The following LDB2 variants were observed in gnomAD, a reference collection of about 807,000 sequenced individuals.
LDB2 encodes the protein LIM domain binding 2.
A neutral mutation model predicts 44.3 loss-of-function variants in LDB2; 12 were observed. The observed-to-expected ratio is 0.27, with a 90% CI of 0.17 to 0.44. The LOEUF is 0.44. Ranked by LOEUF, LDB2 falls within the 20% of genes least tolerant of loss-of-function variation. The probability of loss-of-function intolerance (pLI) is 1.00; values close to 1 mark genes in which losing one functional copy is unlikely to be tolerated. For missense variants in LDB2, 344 were observed against 473.5 expected (o/e 0.73, Z 2.54); for synonymous variants, 164 against 174.8 (o/e 0.94, Z 0.49).
chr4:16,506,051 C>A, intron 7 of LDB2: 1 of 1,501,540 alleles, frequency 6.7e-7, no homozygotes, highest in Non-Finnish European at 9.0e-7. Context: ...CACATCGCTG[C>A]CGCAGCAGCT....
intron 2 of LDB2, among the ~76,000 whole-genome samples, chr4:16,739,602 A>ATATATATATGTATATATACATGTGTGTG (rs1762589875): frequency 2.3e-5 from 2 of 86,750 alleles, no homozygotes; most frequent in Non-Finnish European, 4.4e-5. Context: ...ATATATATAT[A>ATATATATATGTATATATACATGTGTGTG]TATATATGTA....
At chr4:16,701,542 C>G (rs1753433015) in intron 2 of LDB2, among the ~76,000 whole-genome samples, 1 of 152,194 alleles carries the variant, frequency 6.6e-6, no homozygotes, top group Non-Finnish European at 1.5e-5. Context: ...GCACCAAGAA[C>G]ACTGTGATCG....
intron 5 of LDB2, among the ~76,000 whole-genome samples, chr4:16,524,213 GGA>G (rs780704001): frequency 2.6e-5 from 4 of 152,168 alleles, no homozygotes; most frequent in Non-Finnish European, 4.4e-5. Context: ...TGCTCAGGAA[GGA>G]GAGTGGCACT....
intron 2 of LDB2, among the ~76,000 whole-genome samples, chr4:16,637,583 C>T (rs1019452502): frequency 6.6e-6 from 1 of 151,878 alleles, no homozygotes; most frequent in African/African-American, 2.4e-5. Flanking sequence ...GCAGATGTTG[C>T]ACAAATTAAT....
rs187182968 is a variant in LDB2, at chr4:16,629,192, C to T, written c.236-33317G>A. Among the ~76,000 whole-genome samples the T allele has an allele frequency of 7.2e-5, 11 of 152,332 alleles. No individual in the cohort carries two copies. The East Asian group carries it at 9.7e-4, about 13-fold the overall frequency. The stretch of plus-strand genomic sequence containing the variant: ...CCTCTCTAGATTCCACCTCTGGGGG[C>T]AGGGCATATCAGAACAAAAGGCAGC... On this transcript the variant is annotated intron_variant, in intron 2 of 7. Coordinates refer to ENST00000304523, the MANE Select transcript of LDB2 (RefSeq NM_001290.5).
intron 5 of LDB2, among the ~76,000 whole-genome samples, chr4:16,581,057 G>T (rs1340042819): frequency 6.6e-6 from 1 of 152,174 alleles, no homozygotes; most frequent in Non-Finnish European, 1.5e-5. Flanking sequence ...TGAAAGCGAA[G>T]AATTAAGGGA....
At chr4:16,678,044 G>A (rs1746785490) in intron 2 of LDB2, among the ~76,000 whole-genome samples, 1 of 152,182 alleles carries the variant, frequency 6.6e-6, no homozygotes, top group South Asian at 2.1e-4. Context: ...TTGAAAGGAA[G>A]TTCCCATTGT....
At chr4:16,590,420 T>C (rs565274867) in intron 3 of LDB2, among the ~76,000 whole-genome samples, 18 of 152,316 alleles carry the variant, frequency 1.2e-4, no homozygotes, top group Non-Finnish European at 2.2e-4. Flanking sequence ...TAGTGAACAA[T>C]TTATATCAGC....
At chr4:16,789,982 C>T (rs371167461) in intron 1 of LDB2, among the ~76,000 whole-genome samples, 44 of 152,246 alleles carry the variant, frequency 2.9e-4, no homozygotes, top group African/African-American at 1.0e-3. Context: ...TGGTTATCCC[C>T]ATTCTATAGA....
chr4:16,891,304 CTTTTTTT>C (rs559119712), intron 1 of LDB2, among the ~76,000 whole-genome samples: 38 of 77,550 alleles, frequency 4.9e-4, no homozygotes, highest in African/African-American at 1.6e-3. Flanking sequence ...CTTAAGTATT[CTTTTTTT>C]TTTTTTTTTT....
intron 1 of LDB2, among the ~76,000 whole-genome samples, chr4:16,863,850 C>T (rs1046827894): frequency 1.3e-5 from 2 of 152,102 alleles, no homozygotes; most frequent in East Asian, 2.0e-4. Context: ...TTAGTAGAGA[C>T]GGGGTTTTTC....
At chr4:16,823,518 A>G (rs1429002372) in intron 1 of LDB2, among the ~76,000 whole-genome samples, 1 of 152,148 alleles carries the variant, frequency 6.6e-6, no homozygotes. Context: ...AGGAGAAAGC[A>G]CTAAATGCGA....
intron 1 of LDB2, among the ~76,000 whole-genome samples, chr4:16,863,633 C>T (rs1177628034): frequency 6.6e-6 from 1 of 151,596 alleles, no homozygotes; most frequent in Non-Finnish European, 1.5e-5. Context: ...ACTCTAAGAC[C>T]TCCTCCACCA....
chr4:16,842,851 C>T (rs1786146582), intron 1 of LDB2, among the ~76,000 whole-genome samples: 1 of 152,118 alleles, frequency 6.6e-6, no homozygotes, highest in African/African-American at 2.4e-5. Flanking sequence ...CCCTCATTGC[C>T]CCATTTTCCT....
chr4:16,830,430 A>T (rs1783854354), intron 1 of LDB2, among the ~76,000 whole-genome samples: 1 of 152,214 alleles, frequency 6.6e-6, no homozygotes, highest in Non-Finnish European at 1.5e-5. Context: ...CTCCCCAGCC[A>T]TGCAGAACTG....
chr4:16,557,796 G>A (rs987765842), intron 5 of LDB2, among the ~76,000 whole-genome samples: 1 of 152,172 alleles, frequency 6.6e-6, no homozygotes, highest in Non-Finnish European at 1.5e-5. Flanking sequence ...CCCCTGAGCA[G>A]CCTAACTGGG....
At chr4:16,759,616 T>C (rs1323212784) in intron 1 of LDB2, among the ~76,000 whole-genome samples, 1 of 152,250 alleles carries the variant, frequency 6.6e-6, no homozygotes, top group Admixed American at 6.5e-5. Context: ...TCTCTCTCTC[T>C]GCTCTTTTAA....
chr4:16,549,641 C>T (rs990042545), intron 5 of LDB2, among the ~76,000 whole-genome samples: 13 of 152,092 alleles, frequency 8.5e-5, no homozygotes, highest in South Asian at 2.1e-4. Context: ...CAGACCAAGG[C>T]GCACCTCTGT....
At chr4:16,536,122 G>A (rs1731760243) in intron 5 of LDB2, among the ~76,000 whole-genome samples, 1 of 152,206 alleles carries the variant, frequency 6.6e-6, no homozygotes, top group Non-Finnish European at 1.5e-5. Context: ...CCTACAGGAT[G>A]GTCGGCCCTC....
Sources: gnomAD v4.1 joint callset for allele counts (sites outside exome capture counted in the v4.1 genomes callset) on GRCh38, gnomAD v4.1.1 for gene constraint, MANE v1.5 for transcripts, NCBI Gene and HGNC (gene_info 2026-07-23, HGNC 2026-07-21) for gene names.